The following DNAAF10 variants were observed in gnomAD, a reference collection of about 807,000 sequenced individuals.
DNAAF10 encodes dynein axonemal assembly factor 10.
DNAAF10 carries 28 observed loss-of-function variants against 43.7 expected under a neutral mutation model. That is an observed-to-expected ratio of 0.64 (90% CI 0.48 to 0.88). DNAAF10 has a LOEUF of 0.88. Ranked by LOEUF, DNAAF10 falls within the 40% of genes least tolerant of loss-of-function variation. DNAAF10 has a pLI of 0.00. For synonymous variants in DNAAF10, 156 were observed against 157.3 expected (o/e 0.99, Z 0.06); for missense variants, 403 against 439.1 (o/e 0.92, Z 0.73).
chr2:68,150,787 G>A (rs1490084489), intron 1 of DNAAF10, among the ~76,000 whole-genome samples: 3 of 151,852 alleles, frequency 2.0e-5, no homozygotes, highest in African/African-American at 7.3e-5. Flanking sequence ...TGGAAGTGAA[G>A]ACTTAAAAAC....
intron 7 of DNAAF10, 76 bp from the exon 8 acceptor site, chr2:68,131,521 T>C (rs17035004): frequency 0.41 from 556,776 of 1,347,756 alleles, 121,297 homozygotes; most frequent in South Asian, 0.63. Flanking sequence ...TACACTTCAA[T>C]GACTCTATTT....
rs768147378 is a variant in DNAAF10, at chr2:68,134,762, G to A, written c.806C>T (p.Pro269Leu). 3 of 1,610,060 alleles carry A rather than the reference G, an allele frequency of 1.9e-6. No homozygotes were observed. The highest frequency in any genetic ancestry group is 2.2e-5 in the East Asian group (1 of 44,788). The change falls in exon 7 of 8, where the codon CCG (proline) becomes CTG (leucine). Residue 269 changes from proline (P) to leucine (L), a missense_variant. Coordinates refer to ENST00000295121, the MANE Select transcript of DNAAF10 (RefSeq NM_138458.4). ...KSTVWQVRHL[P>L]QNRELFLTAG... ...TGTCAGAAAGAGCTCCCTGTTCTGC[G>A]GCAGGTGTCGGACCTGCCACACAGT...
At position 68,137,425 on chromosome 2, in the gene DNAAF10, G is replaced by C; in HGVS notation, c.642C>G (p.Ser214Arg). 6.2e-7 allele frequency: 1 copy of C among 1,610,394 alleles called. No homozygotes were observed. Among genetic ancestry groups the C allele is most frequent in the South Asian group, 1.1e-5 (1 of 90,354 alleles). ...TTATGTCTTTTCTGTCAAACTCCAA[G>C]CTACACACCTGAAAACAGAGAATAC... ...WETNIKNGVC[S>R]LEFDRKDISM... Residue 214 changes from serine to arginine, a missense_variant, in exon 6 of 8, where the codon AGC (serine) becomes AGG (arginine). Ser to Arg is a moderately radical substitution (Grantham distance 110). Coordinates refer to ENST00000295121, the MANE Select transcript of DNAAF10 (RefSeq NM_138458.4).
intron 4 of DNAAF10, among the ~76,000 whole-genome samples, chr2:68,139,621 TAAA>T (rs545959875): frequency 8.8e-6 from 1 of 114,082 alleles, no homozygotes; most frequent in Non-Finnish European, 1.9e-5. Context: ...CTGTCTCTAC[TAAA>T]AAAAAAAAAA....
chr2:68,133,289 T>A (rs901221591), intron 7 of DNAAF10, among the ~76,000 whole-genome samples: 3 of 152,048 alleles, frequency 2.0e-5, no homozygotes, highest in African/African-American at 7.2e-5. Context: ...GTCACCCAGG[T>A]TGGAGTGCAG....
chr2:68,147,998 G>A (rs1673363618), intron 1 of DNAAF10, among the ~76,000 whole-genome samples: 1 of 152,202 alleles, frequency 6.6e-6, no homozygotes, highest in Middle Eastern at 3.4e-3. Context: ...AGATGTTTAT[G>A]TCCCACTTTC....
intron 4 of DNAAF10, among the ~76,000 whole-genome samples, chr2:68,140,357 T>G (rs1345529119): frequency 6.6e-6 from 1 of 152,184 alleles, no homozygotes; most frequent in Non-Finnish European, 1.5e-5. Flanking sequence ...CTTTACAAAT[T>G]ATCCCACCCC....
At chr2:68,139,342 G>C (rs1399333110) in intron 4 of DNAAF10, among the ~76,000 whole-genome samples, 1 of 152,098 alleles carries the variant, frequency 6.6e-6, no homozygotes, top group African/African-American at 2.4e-5. Flanking sequence ...GACAATTCCT[G>C]AGGTCTCACC....
chr2:68,144,402 C>T (rs1673263974), intron 3 of DNAAF10, among the ~76,000 whole-genome samples, 183 bp downstream of exon 3: 1 of 151,960 alleles, frequency 6.6e-6, no homozygotes. Flanking sequence ...TCAAAATAGC[C>T]AAAAGTCTGA....
intron 3 of DNAAF10, among the ~76,000 whole-genome samples, chr2:68,142,178 A>G (rs1369854942): frequency 1.3e-5 from 2 of 152,208 alleles, no homozygotes; most frequent in Non-Finnish European, 2.9e-5. Flanking sequence ...CTTATTACCC[A>G]TTTTAACCAT....
Position 68,143,694 on chromosome 2 carries a change from G to A in DNAAF10, c.415+891C>T, listed in dbSNP as rs1052006468. ...TGTGGAAACAGCAACATTTGCATATGACAAAACATTAAATAAAAAAAGTTT... is the reference window on the plus strand; with the variant it reads ...TGTGGAAACAGCAACATTTGCATATAACAAAACATTAAATAAAAAAAGTTT... On this transcript the variant is annotated intron_variant, in intron 3 of 7. Transcript: ENST00000295121. Among the ~76,000 whole-genome samples the A allele has an allele frequency of 1.3e-5, 2 of 152,158 alleles. 1 individual carries two copies. Among genetic ancestry groups the A allele is most frequent in the Middle Eastern group, 6.8e-3 (2 of 294 alleles).
At chr2:68,145,114 A>T (rs2103623050) in intron 2 of DNAAF10, among the ~76,000 whole-genome samples, 1 of 152,240 alleles carries the variant, frequency 6.6e-6, no homozygotes, top group South Asian at 2.1e-4. Flanking sequence ...GTCTGAAAAA[A>T]TACTGCTTCA....
intron 7 of DNAAF10, 79 bp from the exon 8 acceptor site, chr2:68,131,524 CTCTATT>C (rs1172531338): frequency 7.5e-7 from 1 of 1,342,034 alleles, no homozygotes; most frequent in Non-Finnish European, 1.1e-6. Context: ...ACTTCAATGA[CTCTATT>C]TCTCAGTTGG....
chr2:68,141,376 C>T (rs981027399), intron 4 of DNAAF10, among the ~76,000 whole-genome samples: 5 of 152,168 alleles, frequency 3.3e-5, no homozygotes, highest in African/African-American at 1.2e-4. Context: ...ATTCTCAGCA[C>T]TTTACATGTA....
chr2:68,137,981 T>C (rs939393163), intron 5 of DNAAF10, among the ~76,000 whole-genome samples: 2 of 150,874 alleles, frequency 1.3e-5, no homozygotes, highest in Admixed American at 6.6e-5. Context: ...GAGACCATCC[T>C]GGCTAACACG....
chr2:68,143,994 A>G (rs2103621237), intron 3 of DNAAF10, among the ~76,000 whole-genome samples: 2 of 152,336 alleles, frequency 1.3e-5, no homozygotes, highest in African/African-American at 4.8e-5. Context: ...ATCAATTATA[A>G]TAGGTACCAA....
chr2:68,154,877 C>G (rs572740682), intron 1 of DNAAF10, among the ~76,000 whole-genome samples: 1 of 152,258 alleles, frequency 6.6e-6, no homozygotes, highest in South Asian at 2.1e-4. Flanking sequence ...ATCCTCCCAC[C>G]ACAGCCTCCC....
Sources: gnomAD v4.1 joint callset for allele counts (sites outside exome capture counted in the v4.1 genomes callset) on GRCh38, gnomAD v4.1.1 for gene constraint, MANE v1.5 for transcripts, NCBI Gene and HGNC (gene_info 2026-07-23, HGNC 2026-07-21) for gene names.